Variants in KCNB2 observed in about 807,000 individuals in gnomAD.
KCNB2 encodes the protein delayed rectifier potassium channel protein.
A neutral mutation model predicts 61.5 loss-of-function variants in KCNB2; 15 were observed. The observed-to-expected ratio is 0.24, with a 90% CI of 0.16 to 0.38. KCNB2 has a LOEUF of 0.38. KCNB2 is among the 10% of genes least tolerant of loss of function. The pLI, the probability that KCNB2 is intolerant of heterozygous loss-of-function variation, is 1.00. For missense variants in KCNB2, 828 were observed against 1,125.2 expected (o/e 0.74, Z 3.78); for synonymous variants, 457 against 446.0 (o/e 1.02, Z -0.31).
intron 2 of KCNB2, among the ~76,000 whole-genome samples, chr8:72,822,230 C>A (rs1486939690): frequency 6.6e-6 from 1 of 152,224 alleles, no homozygotes; most frequent in Non-Finnish European, 1.5e-5. Context: ...ATGGTACCTG[C>A]CAGATGCTGT....
chr8:72,701,214 G>A (rs1192077166), intron 2 of KCNB2, among the ~76,000 whole-genome samples: 1 of 151,952 alleles, frequency 6.6e-6, no homozygotes, highest in African/African-American at 2.4e-5. Context: ...AGTACCCCCT[G>A]AGTCTAAAAT....
chr8:72,884,917 T>C (rs942559250), intron 2 of KCNB2, among the ~76,000 whole-genome samples: 7 of 152,320 alleles, frequency 4.6e-5, no homozygotes, highest in Admixed American at 1.3e-4. Context: ...GATAAGCTTG[T>C]CATGTGTCAT....
At chr8:72,590,104 C>T (rs2128981330) in intron 2 of KCNB2, among the ~76,000 whole-genome samples, 1 of 152,184 alleles carries the variant, frequency 6.6e-6, no homozygotes, top group East Asian at 1.9e-4. Context: ...ATTCAGAATT[C>T]CTGGGTTCAA....
chr8:72,857,121 C>G (rs1013885463), intron 2 of KCNB2, among the ~76,000 whole-genome samples: 4 of 152,148 alleles, frequency 2.6e-5, no homozygotes, highest in Non-Finnish European at 4.4e-5. Flanking sequence ...TTATTATATG[C>G]CAGACCTTGT....
At chr8:72,889,009 A>G (rs1244515522) in intron 2 of KCNB2, among the ~76,000 whole-genome samples, 4 of 152,154 alleles carry the variant, frequency 2.6e-5, no homozygotes, top group African/African-American at 9.7e-5. Flanking sequence ...AGGATCTGTC[A>G]CCTGAAGGAA....
chr8:72,749,895 TAATA>T (rs1808159186), intron 2 of KCNB2, among the ~76,000 whole-genome samples: 1 of 148,762 alleles, frequency 6.7e-6, no homozygotes, highest in Admixed American at 6.8e-5. Flanking sequence ...TAAAACATAA[TAATA>T]AATTAAATAC....
chr8:72,682,555 A>T (rs1353186150), intron 2 of KCNB2, among the ~76,000 whole-genome samples: 1 of 151,296 alleles, frequency 6.6e-6, no homozygotes, highest in Admixed American at 6.6e-5. Context: ...TTTTGTCAAC[A>T]CAGTTGTCCA....
At chr8:72,731,211 A>G (rs551944185) in intron 2 of KCNB2, among the ~76,000 whole-genome samples, 5 of 152,352 alleles carry the variant, frequency 3.3e-5, no homozygotes, top group African/African-American at 9.6e-5. Flanking sequence ...GTATTATCCT[A>G]TACTTTCAGA....
intron 2 of KCNB2, among the ~76,000 whole-genome samples, chr8:72,683,838 G>A (rs1563558613): frequency 6.6e-6 from 1 of 152,172 alleles, no homozygotes; most frequent in South Asian, 2.1e-4. Context: ...GGGGCACTTA[G>A]GGAGGAGGAA....
At chr8:72,791,973 C>T (rs1808952025) in intron 2 of KCNB2, among the ~76,000 whole-genome samples, 1 of 152,126 alleles carries the variant, frequency 6.6e-6, no homozygotes, top group African/African-American at 2.4e-5. Context: ...GTGAGTGTAC[C>T]TACAGTTCAG....
At chr8:72,845,145 A>G (rs771833380) in intron 2 of KCNB2, among the ~76,000 whole-genome samples, 25 of 151,828 alleles carry the variant, frequency 1.6e-4, no homozygotes, top group Non-Finnish European at 3.2e-4. Context: ...CCTTTTGTTG[A>G]TGTTGATGCT....
chr8:72,914,532 T>C (rs984893018), intron 2 of KCNB2, among the ~76,000 whole-genome samples: 1 of 152,202 alleles, frequency 6.6e-6, no homozygotes, highest in Non-Finnish European at 1.5e-5. Flanking sequence ...TTATGTGGTT[T>C]GGTTTTAGGT....
intron 2 of KCNB2, among the ~76,000 whole-genome samples, chr8:72,681,689 A>T (rs1387908267): frequency 2.0e-5 from 3 of 152,204 alleles, no homozygotes; most frequent in Non-Finnish European, 4.4e-5. Context: ...TACTATACAG[A>T]ATTGTATGTG....
intron 2 of KCNB2, among the ~76,000 whole-genome samples, chr8:72,933,226 A>G (rs771693073): frequency 6.6e-6 from 1 of 152,250 alleles, no homozygotes; most frequent in Non-Finnish European, 1.5e-5. Context: ...GGTCAACTAG[A>G]CAATAGACTA....
intron 2 of KCNB2, among the ~76,000 whole-genome samples, chr8:72,784,904 AAAGGAACCTT>A (rs757428822): frequency 6.6e-6 from 1 of 152,100 alleles, no homozygotes; most frequent in African/African-American, 2.4e-5. Flanking sequence ...GTTGAAGGAG[AAAGGAACCTT>A]AAACTTCTGA....
chr8:72,598,143 A>G (rs141426759), intron 2 of KCNB2, among the ~76,000 whole-genome samples: 22 of 138,268 alleles, frequency 1.6e-4, no homozygotes, highest in African/African-American at 5.9e-4. Context: ...CAGAGACACA[A>G]CAAAAAAAGA....
intron 2 of KCNB2, among the ~76,000 whole-genome samples, chr8:72,811,155 CT>C (rs34236600): frequency 4.1e-3 from 577 of 140,104 alleles, no homozygotes; most frequent in African/African-American, 4.9e-3. Context: ...GAAGGGATTT[CT>C]TTTTTTTTTT....
Position 72,841,097 on chromosome 8 carries a change from G to A in KCNB2, c.580-94838G>A, listed in dbSNP as rs1809876090. 3.9e-5 allele frequency among the ~76,000 whole-genome samples: 6 copies of A among 152,174 alleles called. No individual in the cohort carries two copies. The South Asian group carries it at 1.2e-3, about 32-fold the overall frequency. ...ATTTTTGTATAAGGTGTAAGGAAAG[G>A]GTCTAGCTTCTGTTTTCTGCATATG... On this transcript the variant is annotated intron_variant, in intron 2 of 2. Transcript: ENST00000523207.
At chr8:72,924,914 C>G (rs79031946) in intron 2 of KCNB2, among the ~76,000 whole-genome samples, 3 of 152,118 alleles carry the variant, frequency 2.0e-5, no homozygotes, top group Non-Finnish European at 4.4e-5. Flanking sequence ...AAGTGGATCA[C>G]GCAAGCTCTC....
Sources: allele counts gnomAD v4.1 joint callset (sites outside exome capture counted in the v4.1 genomes callset), GRCh38; gene constraint gnomAD v4.1.1; transcripts MANE v1.5; gene names NCBI Gene and HGNC (gene_info 2026-07-23, HGNC 2026-07-21).